The following PTBP3 variants were observed in gnomAD, a reference collection of about 807,000 sequenced individuals.
The protein encoded by PTBP3 is polypyrimidine tract-binding protein 3.
In PTBP3, 20 loss-of-function variants were observed where a neutral mutation model predicts 58.7. The observed-to-expected ratio is 0.34, with a 90% CI of 0.24 to 0.50. The LOEUF (loss-of-function observed/expected upper bound fraction) is 0.50, where lower values mean the gene tolerates loss of function less well. PTBP3 is among the 20% of genes least tolerant of loss of function. The probability of loss-of-function intolerance (pLI) is 0.98; values close to 1 mark genes in which losing one functional copy is unlikely to be tolerated. For missense variants in PTBP3, 509 were observed against 637.2 expected (o/e 0.80, Z 2.17); for synonymous variants, 185 against 219.8 (o/e 0.84, Z 1.40).
At chr9:112,225,707 G>C (rs1452615351) in intron 12 of PTBP3, among the ~76,000 whole-genome samples, 2 of 152,082 alleles carry the variant, frequency 1.3e-5, no homozygotes, top group East Asian at 3.9e-4. Context: ...CTTCCTACAT[G>C]TCCTATGTAG....
chr9:112,312,225 G>A (rs2132393766), intron 1 of PTBP3, among the ~76,000 whole-genome samples: 1 of 152,096 alleles, frequency 6.6e-6, no homozygotes, highest in South Asian at 2.1e-4. Flanking sequence ...AAGTGATTAA[G>A]ACATAAAAAA....
chr9:112,250,891 A>G, intron 7 of PTBP3, 38 bp downstream of exon 7: 1 of 1,462,342 alleles, frequency 6.8e-7, no homozygotes, highest in African/African-American at 1.4e-5. Flanking sequence ...TTGTAACTTC[A>G]GAAAACTTGC....
chr9:112,321,962 T>C (rs769506121), intron 1 of PTBP3, among the ~76,000 whole-genome samples: 54 of 152,010 alleles, frequency 3.6e-4, no homozygotes, highest in Admixed American at 4.6e-4. Flanking sequence ...GGTGAAACCC[T>C]GTCTCTACTA....
the PTBP3 span, among the ~76,000 whole-genome samples, chr9:112,367,065 T>C: frequency 9.2e-5 from 14 of 152,210 alleles, no homozygotes; most frequent in African/African-American, 3.1e-4. Flanking sequence ...AAATATCTTA[T>C]CACAGTCTAT....
the PTBP3 span, among the ~76,000 whole-genome samples, chr9:112,369,286 C>T: frequency 6.6e-6 from 1 of 152,190 alleles, no homozygotes; most frequent in Non-Finnish European, 1.5e-5. Context: ...CAGCTTGCAC[C>T]ATGTACCTGG....
chr9:112,304,764 T>C (rs1829097664), intron 1 of PTBP3, among the ~76,000 whole-genome samples: 2 of 152,144 alleles, frequency 1.3e-5, no homozygotes, highest in South Asian at 4.1e-4. Flanking sequence ...AAAAATTTTT[T>C]TTATTATACT....
intron 1 of PTBP3, among the ~76,000 whole-genome samples, chr9:112,312,518 C>T (rs1268398680): frequency 8.3e-6 from 1 of 121,020 alleles, no homozygotes; most frequent in Admixed American, 9.5e-5. Context: ...AAAAAAAGGA[C>T]GTGTGTGTGT....
At chr9:112,337,860 A>G (rs1022623180), upstream of PTBP3, among the ~76,000 whole-genome samples, 4 of 152,220 alleles carry the variant, frequency 2.6e-5, no homozygotes, top group Admixed American at 6.5e-5. Flanking sequence ...ATTTCTGTTT[A>G]CAGGTAAGAC....
the PTBP3 span, among the ~76,000 whole-genome samples, chr9:112,369,136 TG>T: frequency 6.6e-6 from 1 of 152,224 alleles, no homozygotes; most frequent in Non-Finnish European, 1.5e-5. Flanking sequence ...AGAGCCCTCA[TG>T]GAGAACCTCT....
intron 2 of PTBP3, among the ~76,000 whole-genome samples, chr9:112,285,140 T>G (rs1443473735): frequency 1.3e-5 from 2 of 152,194 alleles, no homozygotes; most frequent in African/African-American, 4.8e-5. Flanking sequence ...GGGGGAGACC[T>G]GGTGGGAGAT....
rs1219628600 is a variant in PTBP3, at chr9:112,321,470, A to C, written c.-52+12000T>G. 6.6e-5 allele frequency among the ~76,000 whole-genome samples: 10 copies of C among 151,124 alleles called. No individual in the cohort carries two copies. In the East Asian group the frequency reaches 1.7e-3, roughly 26 times the overall value. ...ATTGAACCTGGGAGGCGGAGGTTGC[A>C]GTAAGCCAAGATCGCACCACTGCAC... On this transcript the variant is annotated intron_variant, in intron 1 of 13. Coordinates refer to ENST00000374257, the MANE Select transcript of PTBP3 (RefSeq NM_001163788.4).
chr9:112,355,011 A>AT, the PTBP3 span, among the ~76,000 whole-genome samples: 1 of 152,204 alleles, frequency 6.6e-6, no homozygotes, highest in Non-Finnish European at 1.5e-5. Flanking sequence ...TGTGTTTAAC[A>AT]TAATAGTTAT....
the PTBP3 span, among the ~76,000 whole-genome samples, chr9:112,353,990 T>C: frequency 6.6e-6 from 1 of 152,122 alleles, no homozygotes; most frequent in African/African-American, 2.4e-5. Flanking sequence ...GCTTATAATA[T>C]TGTAATTGCT....
intron 2 of PTBP3, among the ~76,000 whole-genome samples, chr9:112,276,464 T>C (rs550708304): frequency 3.9e-5 from 6 of 152,310 alleles, no homozygotes; most frequent in Admixed American, 3.9e-4. Context: ...TAAGGAGATA[T>C]GGATTTGAAT....
chr9:112,325,391 T>A (rs1436392991), intron 1 of PTBP3, among the ~76,000 whole-genome samples: 3 of 152,142 alleles, frequency 2.0e-5, no homozygotes, highest in Non-Finnish European at 4.4e-5. Context: ...TGTGGTGGCC[T>A]GGTATTCAAC....
chr9:112,354,850 C>T, the PTBP3 span, among the ~76,000 whole-genome samples: 3 of 152,072 alleles, frequency 2.0e-5, no homozygotes, highest in African/African-American at 7.2e-5. Context: ...CATTGTTCTG[C>T]AAAATAAAAT....
chr9:112,256,498 T>A (rs1487892317), intron 5 of PTBP3, among the ~76,000 whole-genome samples: 1 of 151,928 alleles, frequency 6.6e-6, no homozygotes, highest in Non-Finnish European at 1.5e-5. Flanking sequence ...AAGAATTATA[T>A]CTAGACCTGG....
chr9:112,351,824 TG>T, the PTBP3 span, among the ~76,000 whole-genome samples: 1 of 152,130 alleles, frequency 6.6e-6, no homozygotes, highest in Non-Finnish European at 1.5e-5. Context: ...CTCATCAATG[TG>T]GGGGTTTTTT....
chr9:112,297,940 GTTAA>G (rs1828764551), intron 1 of PTBP3, 24 bp from the exon 2 acceptor site: 1 of 1,568,650 alleles, frequency 6.4e-7, no homozygotes, highest in Admixed American at 1.8e-5. Context: ...CCAATGTTTG[GTTAA>G]TAAACCAAGT....
Sources: allele counts gnomAD v4.1 joint callset (sites outside exome capture counted in the v4.1 genomes callset), GRCh38; gene constraint gnomAD v4.1.1; transcripts MANE v1.5; gene names NCBI Gene and HGNC (gene_info 2026-07-23, HGNC 2026-07-21).